Variants in CSNK1G3 observed in about 807,000 individuals in gnomAD.
The protein encoded by CSNK1G3 is casein kinase I isoform gamma-3.
A neutral mutation model predicts 64.3 loss-of-function variants in CSNK1G3; 23 were observed. The ratio of observed to expected loss-of-function variants is 0.36; its 90% confidence interval spans 0.26 to 0.51. The LOEUF is 0.51. Among genes scored for constraint, CSNK1G3 ranks in the 20% least tolerant of loss-of-function variants. The pLI is 0.96. For missense variants in CSNK1G3, 357 were observed against 510.5 expected, an observed-to-expected ratio of 0.70 and a Z score of 2.90; for synonymous variants, 158 against 162.2, an observed-to-expected ratio of 0.97 and a Z score of 0.20.
At chr5:123,607,026 TG>T (rs1795480276) in intron 12 of CSNK1G3, among the ~76,000 whole-genome samples, 1 of 152,162 alleles carries the variant, frequency 6.6e-6, no homozygotes, top group Non-Finnish European at 1.5e-5. Flanking sequence ...CTCTGAAGAA[TG>T]GCACAGTTAT....
At chr5:123,514,697 A>T (rs775240114) in intron 1 of CSNK1G3, among the ~76,000 whole-genome samples, 1 of 151,756 alleles carries the variant, frequency 6.6e-6, no homozygotes, top group Non-Finnish European at 1.5e-5. Flanking sequence ...TTAATAGGCA[A>T]AATGGGGACT....
chr5:123,582,011 G>C (rs1481311434), intron 6 of CSNK1G3, among the ~76,000 whole-genome samples: 2 of 151,946 alleles, frequency 1.3e-5, no homozygotes, highest in African/African-American at 4.8e-5. Context: ...CATTATGGTA[G>C]AAAATGCAGT....
chr5:123,601,165 G>T (rs896903481), intron 10 of CSNK1G3, among the ~76,000 whole-genome samples: 6 of 151,962 alleles, frequency 3.9e-5, no homozygotes, highest in African/African-American at 1.5e-4. Flanking sequence ...TTATTCTTTA[G>T]AATTTGGCTT....
intron 4 of CSNK1G3, among the ~76,000 whole-genome samples, chr5:123,568,528 C>G (rs930019792): frequency 3.9e-5 from 6 of 152,170 alleles, no homozygotes; most frequent in Admixed American, 2.6e-4. Context: ...ACTAATCGAG[C>G]TTTTTCACCT....
exon 6 of CSNK1G3, chr5:123,575,735 C>T (rs750062522): frequency 3.1e-6 from 5 of 1,605,856 alleles, no homozygotes; most frequent in East Asian, 2.2e-5. Flanking sequence ...CAAGATTTCT[C>T]GCATGGAATA....
intron 6 of CSNK1G3, 64 bp downstream of exon 6, chr5:123,576,027 T>A (rs1789084486): frequency 9.6e-7 from 1 of 1,040,846 alleles, no homozygotes; most frequent in Admixed American, 2.3e-5. Flanking sequence ...CTGTGAGTTT[T>A]TATTTGTTAT....
intron 1 of CSNK1G3, among the ~76,000 whole-genome samples, chr5:123,544,086 A>G (rs1300694622): frequency 6.6e-6 from 1 of 152,154 alleles, no homozygotes; most frequent in African/African-American, 2.4e-5. Context: ...CAGTCTTCCT[A>G]TACGCAACTT....
At chr5:123,531,213 A>G (rs1779885075) in intron 1 of CSNK1G3, among the ~76,000 whole-genome samples, 1 of 152,106 alleles carries the variant, frequency 6.6e-6, no homozygotes, top group East Asian at 1.9e-4. Flanking sequence ...ATACTTGTAA[A>G]CAATATTGAA....
chr5:123,607,464 T>G (rs1280416951), intron 12 of CSNK1G3, among the ~76,000 whole-genome samples: 1 of 152,144 alleles, frequency 6.6e-6, no homozygotes, highest in Non-Finnish European at 1.5e-5. Context: ...GAAATGAAAT[T>G]GAAAACATTG....
chr5:123,609,019 G>C (rs867028063), intron 12 of CSNK1G3, among the ~76,000 whole-genome samples: 6 of 152,148 alleles, frequency 3.9e-5, no homozygotes, highest in African/African-American at 1.4e-4. Context: ...GATTTGGCAA[G>C]GGAAATGGAT....
intron 1 of CSNK1G3, among the ~76,000 whole-genome samples, chr5:123,520,903 A>C (rs1777982995): frequency 6.6e-6 from 1 of 152,074 alleles, no homozygotes; most frequent in Non-Finnish European, 1.5e-5. Flanking sequence ...ACTGTGTGTC[A>C]TGTTTATTTT....
At chr5:123,578,282 A>C (rs1789560240) in intron 6 of CSNK1G3, among the ~76,000 whole-genome samples, 1 of 151,838 alleles carries the variant, frequency 6.6e-6, no homozygotes, top group Non-Finnish European at 1.5e-5. Context: ...TTCCATCAGT[A>C]ATGAATGAGA....
intron 1 of CSNK1G3, among the ~76,000 whole-genome samples, chr5:123,522,424 A>C (rs1024999151): frequency 6.6e-6 from 1 of 151,348 alleles, no homozygotes; most frequent in African/African-American, 2.4e-5. Context: ...AATCGCTTGA[A>C]CCTGGGAGGT....
chr5:123,514,557 C>T (rs1477155244), intron 1 of CSNK1G3, among the ~76,000 whole-genome samples: 1 of 152,116 alleles, frequency 6.6e-6, no homozygotes, highest in Non-Finnish European at 1.5e-5. Context: ...AGGTAATTCA[C>T]AGATTCCTGT....
chr5:123,567,355 C>T (rs1787119885), intron 4 of CSNK1G3, among the ~76,000 whole-genome samples: 1 of 152,088 alleles, frequency 6.6e-6, no homozygotes, highest in Admixed American at 6.5e-5. Flanking sequence ...AATCCCAGCA[C>T]TTTGGGAGGC....
intron 1 of CSNK1G3, among the ~76,000 whole-genome samples, chr5:123,525,435 C>T (rs1778886851): frequency 6.6e-6 from 1 of 151,966 alleles, no homozygotes; most frequent in South Asian, 2.1e-4. Context: ...CTCAGCCTCT[C>T]AAGTAGCTGG....
intron 5 of CSNK1G3, among the ~76,000 whole-genome samples, chr5:123,575,116 T>G (rs1040880469): frequency 4.6e-5 from 7 of 152,200 alleles, no homozygotes; most frequent in Non-Finnish European, 1.0e-4. Flanking sequence ...GTAAAATAAT[T>G]AACAAAAATG....
At chr5:123,557,707 G>C (rs1269637452) in intron 4 of CSNK1G3, 143 bp downstream of exon 4, 3 of 569,008 alleles carry the variant, frequency 5.3e-6, no homozygotes, top group Non-Finnish European at 9.2e-6. Context: ...TATGGTCTTA[G>C]GATCCCTTTT....
intron 10 of CSNK1G3, among the ~76,000 whole-genome samples, chr5:123,604,498 G>A (rs886093210): frequency 1.3e-5 from 2 of 152,058 alleles, no homozygotes; most frequent in African/African-American, 2.4e-5. Flanking sequence ...AAGGAAGTAA[G>A]TTGAAAAGCG....
Sources: gnomAD v4.1 joint callset for allele counts (sites outside exome capture counted in the v4.1 genomes callset) on GRCh38, gnomAD v4.1.1 for gene constraint, MANE v1.5 for transcripts, NCBI Gene and HGNC (gene_info 2026-07-23, HGNC 2026-07-21) for gene names.